Variants in MCF2L observed in about 807,000 individuals in gnomAD.
The protein encoded by MCF2L is MCF.2 cell line derived transforming sequence like.
Under a neutral mutation model 153.4 loss-of-function variants are expected in MCF2L, and 97 were observed. The ratio of observed to expected loss-of-function variants is 0.63; its 90% CI spans 0.54 to 0.75. The LOEUF (loss-of-function observed/expected upper bound fraction) is 0.75. MCF2L is among the 30% of genes least tolerant of loss of function. The probability of loss-of-function intolerance (pLI) is 0.00; values close to 1 mark genes in which losing one functional copy is unlikely to be tolerated. For missense variants in MCF2L, 1,347 were observed against 1,495.2 expected, an observed-to-expected ratio of 0.90 and a Z score of 1.64; for synonymous variants, 659 against 632.2, an observed-to-expected ratio of 1.04 and a Z score of -0.64.
At chr13:112,912,561 C>T (rs1402474673) in intron 2 of MCF2L, among the ~76,000 whole-genome samples, 5 of 152,176 alleles carry the variant, frequency 3.3e-5, no homozygotes, top group Admixed American at 3.3e-4. Context: ...AGGTGATTCA[C>T]CCGCCTTGGC....
chr13:112,902,834 C>T (rs576792745), intron 2 of MCF2L, among the ~76,000 whole-genome samples: 3 of 152,242 alleles, frequency 2.0e-5, no homozygotes, highest in African/African-American at 4.8e-5. Context: ...CCTGCCTGGG[C>T]GTCTGGAATT....
At chr13:112,995,901 C>T (rs2083109835) in intron 1 of MCF2L, among the ~76,000 whole-genome samples, 3 of 152,130 alleles carry the variant, frequency 2.0e-5, no homozygotes, top group Admixed American at 1.3e-4. Flanking sequence ...CCAAGCAGCA[C>T]CTGGCGGCCA....
At position 113,006,214 on chromosome 13, in the gene MCF2L, G is replaced by A. The variant is rs56242837; in HGVS notation, c.80-8549G>A. 3.8e-3 allele frequency among the ~76,000 whole-genome samples: 575 copies of A among 152,340 alleles called. 2 individuals are homozygous for A. Among genetic ancestry groups the A allele is most frequent in the African/African-American group, 0.013 (541 of 41,578 alleles). ...TCTCCATAGCCTCGCTGTTGAGCCC[G>A]TGGCAGTGAAGGTCCCAGGCGCTGG... On this transcript the variant is annotated intron_variant, in intron 1 of 29. Transcript: ENST00000535094.
In MCF2L at chr13:112,932,511, C is replaced by T. The variant is rs150043740; in HGVS notation, c.169+30140C>T. ...CTGTGCATAGTTAATAATAATGTAC[C>T]AATATTGGCTCATTAATTGCAACAA... On this transcript the variant is annotated intron_variant, in intron 2 of 29. Coordinates refer to the MCF2L transcript ENST00000375608. The surrounding 1 kb of genome is among the most constrained non-coding windows in gnomAD (Gnocchi z 4.6). Among the ~76,000 whole-genome samples, 933 of 152,178 alleles carry T rather than the reference C, an allele frequency of 6.1e-3. 2 individuals carry two copies. Among genetic ancestry groups the T allele is most frequent in the Non-Finnish European group, 9.9e-3 (673 of 68,006 alleles).
At chr13:112,929,857 G>A (rs568142895) in intron 2 of MCF2L, among the ~76,000 whole-genome samples, 16 of 152,326 alleles carry the variant, frequency 1.1e-4, no homozygotes, top group South Asian at 1.0e-3. Flanking sequence ...GTTTTCTTCC[G>A]TTTGTGGCGA....
chr13:113,058,862 T>A (rs887921268), intron 4 of MCF2L, among the ~76,000 whole-genome samples: 1 of 150,790 alleles, frequency 6.6e-6, no homozygotes, highest in African/African-American at 2.4e-5. Context: ...GTTTGGGTGA[T>A]GTGTGGGCGC....
intron 1 of MCF2L, among the ~76,000 whole-genome samples, chr13:113,013,016 C>T (rs928570502): frequency 2.6e-5 from 4 of 152,094 alleles, no homozygotes; most frequent in African/African-American, 7.2e-5. Context: ...GGTGCCCCCA[C>T]GGTCTGTGAG....
At chr13:112,912,462 G>A (rs369493722) in intron 2 of MCF2L, among the ~76,000 whole-genome samples, 9 of 152,002 alleles carry the variant, frequency 5.9e-5, no homozygotes, top group East Asian at 1.9e-4. Flanking sequence ...GATTACAAGC[G>A]CACGCCACCA....
At chr13:113,052,028 A>G (rs1330345831) in intron 4 of MCF2L, among the ~76,000 whole-genome samples, 2 of 152,344 alleles carry the variant, frequency 1.3e-5, no homozygotes, top group East Asian at 3.9e-4. Flanking sequence ...CACCAAATGT[A>G]TATTTCAGAA....
At chr13:112,962,657 G>A (rs998751740) in intron 2 of MCF2L, among the ~76,000 whole-genome samples, 3 of 152,166 alleles carry the variant, frequency 2.0e-5, no homozygotes, top group Non-Finnish European at 2.9e-5. Flanking sequence ...GCCTAACTCC[G>A]GAGCAAAACC....
At chr13:112,917,411 G>A (rs1293029953) in intron 2 of MCF2L, 1 of 336,788 alleles carries the variant, frequency 3.0e-6, no homozygotes, top group Non-Finnish European at 5.9e-6. Flanking sequence ...CTCCAGAACA[G>A]ATCCAGAATC....
chr13:112,940,866 G>A (rs2140665286), intron 2 of MCF2L, among the ~76,000 whole-genome samples: 1 of 152,138 alleles, frequency 6.6e-6, no homozygotes, highest in Admixed American at 6.5e-5. Flanking sequence ...AGCTACCTAC[G>A]CAGACCCCAG....
intron 1 of MCF2L, among the ~76,000 whole-genome samples, chr13:112,899,115 C>T (rs1042643880): frequency 3.3e-5 from 5 of 152,262 alleles, no homozygotes; most frequent in East Asian, 1.9e-4. Flanking sequence ...GCGTCATAAA[C>T]GAGGACCGAG....
intron 2 of MCF2L, among the ~76,000 whole-genome samples, chr13:113,016,103 C>T (rs2084495815): frequency 6.6e-6 from 1 of 152,198 alleles, no homozygotes; most frequent in Non-Finnish European, 1.5e-5. Flanking sequence ...CCCCAGCCAC[C>T]CACCTTTTCT....
intron 2 of MCF2L, among the ~76,000 whole-genome samples, chr13:112,950,959 A>G (rs2081686465): frequency 6.6e-6 from 1 of 152,242 alleles, no homozygotes; most frequent in Non-Finnish European, 1.5e-5. Flanking sequence ...TACAAACTGA[A>G]GAAAATATGT....
At chr13:113,092,078 G>C (rs1555389709) in intron 26 of MCF2L, among the ~76,000 whole-genome samples, 1 of 152,216 alleles carries the variant, frequency 6.6e-6, no homozygotes, top group Non-Finnish European at 1.5e-5. Flanking sequence ...AGGAGTGCTT[G>C]GGAGAAGGGA....
intron 1 of MCF2L, among the ~76,000 whole-genome samples, chr13:112,982,347 C>T (rs759564288): frequency 2.6e-5 from 4 of 152,166 alleles, no homozygotes; most frequent in Non-Finnish European, 4.4e-5. Context: ...GAGGACTGGA[C>T]GCTGGGCCAA....
intron 1 of MCF2L, among the ~76,000 whole-genome samples, chr13:112,995,643 C>T (rs530768949): frequency 3.7e-4 from 57 of 152,266 alleles, no homozygotes; most frequent in African/African-American, 1.2e-3. Flanking sequence ...TGGGACCGTG[C>T]GGGATGCAGG....
At position 113,078,702 on chromosome 13, in the gene MCF2L, G is replaced by T. The variant is rs11840035; in HGVS notation, c.1771G>T (p.Ala591Ser). ...TGAGAGCCGGCAGGGCCGCGGCTCA[G>T]CGGGGGAGGAGGAGGAAAGCCTGGC... ...MSESRQGRGS[A>S]GEEEESLAIL... Residue 591 changes from alanine (A) to serine (S), a missense_variant, in exon 15 of 30, where the codon GCG becomes TCG. Transcript: ENST00000535094. The T allele has an allele frequency of 6.2e-7, 1 of 1,610,474 alleles. No individual in the cohort carries two copies. Among genetic ancestry groups the T allele is most frequent in the Non-Finnish European group, 8.5e-7 (1 of 1,179,708 alleles).
Sources: allele counts gnomAD v4.1 joint callset (sites outside exome capture counted in the v4.1 genomes callset), GRCh38; gene constraint gnomAD v4.1.1; non-coding constraint Gnocchi (gnomAD v3.1); transcripts MANE v1.5; gene names NCBI Gene and HGNC (gene_info 2026-07-23, HGNC 2026-07-21).